Variants in TGFBI observed in about 807,000 individuals in gnomAD.
The protein encoded by TGFBI is transforming growth factor beta induced.
Under a neutral mutation model 73.7 loss-of-function variants are expected in TGFBI, and 50 were observed. That is an observed-to-expected ratio of 0.68 (90% CI 0.54 to 0.86). The LOEUF (loss-of-function observed/expected upper bound fraction) is 0.86. TGFBI is among the 40% of genes least tolerant of loss of function. The pLI, the probability that TGFBI is intolerant of heterozygous loss-of-function variation, is 0.00. For missense variants in TGFBI, 839 were observed against 877.0 expected, an observed-to-expected ratio of 0.96 and a Z score of 0.55; for synonymous variants, 362 against 360.5, an observed-to-expected ratio of 1.00 and a Z score of -0.05.
Position 136,046,854 on chromosome 5 carries a change from G to A in TGFBI, c.463G>A (p.Val155Met). ...NEAWASLPAE[V>M]LDSLVSNVNI... is the part of the protein sequence containing the mutation. ...GACACCCTGTCCTTCCTCCTAGGAA[G>A]TGCTGGACTCCCTGGTCAGCAATGT... The change falls in exon 5 of 17, where the codon GTG becomes ATG. Residue 155 changes from valine (V) to methionine (M), a missense_variant. By Grantham distance (21) the Val-to-Met change is conservative. Coordinates refer to ENST00000442011, the MANE Select transcript of TGFBI (RefSeq NM_000358.3). 6.2e-7 allele frequency: 1 copy of A among 1,613,122 alleles called. No individual in the cohort carries two copies. The highest frequency in any genetic ancestry group is 8.5e-7 in the Non-Finnish European group (1 of 1,179,388).
rs999699577 is a variant in TGFBI, at chr5:136,044,229, C to G, written c.298+107C>G. 46 of 946,820 alleles carry G rather than the reference C, an allele frequency of 4.9e-5. No homozygotes were observed. In the Middle Eastern group the frequency reaches 1.8e-3, roughly 37 times the overall value. 58.7% of individuals were successfully genotyped at this position (946,820 alleles called of 1,614,324 possible). A position where few individuals can be genotyped will look rare whatever the true frequency, so the allele number is the denominator to read the frequency against. Reference sequence around the variant, plus strand: ...CAGAGTGTGAATGGGGGCAGTGGCACAAGGACATGGCATTCTCCCCACGTG... The same window carrying G: ...CAGAGTGTGAATGGGGGCAGTGGCAGAAGGACATGGCATTCTCCCCACGTG... On this transcript the variant is annotated intron_variant, in intron 3 of 16. Transcript: ENST00000442011.
chr5:136,061,212 G>C (rs998149461), intron 14 of TGFBI: 2 of 574,038 alleles, frequency 3.5e-6, no homozygotes, highest in African/African-American at 3.7e-5. Context: ...CGTGGATGCT[G>C]TCCGCGCGAT....
At chr5:136,059,412 G>A (rs773836746) in intron 13 of TGFBI, among the ~76,000 whole-genome samples, 198 bp downstream of exon 13, 4 of 152,210 alleles carry the variant, frequency 2.6e-5, no homozygotes, top group African/African-American at 9.6e-5. Context: ...TTAGACATGA[G>A]TAAGAACTTC....
At chr5:136,060,005 G>T (rs1268380914) in intron 13 of TGFBI, among the ~76,000 whole-genome samples, 1 of 152,222 alleles carries the variant, frequency 6.6e-6, no homozygotes, top group African/African-American at 2.4e-5. Flanking sequence ...CCTTGAGTTT[G>T]TCACATGGCC....
At position 136,063,168 on chromosome 5, in the gene TGFBI, C is replaced by T; in HGVS notation, c.2012-18C>T. 4.3e-6 allele frequency: 7 copies of T among 1,612,636 alleles called. No homozygotes were observed. Among genetic ancestry groups the T allele is most frequent in the Non-Finnish European group, 5.1e-6 (6 of 1,178,814 alleles). On this transcript the variant is annotated intron_variant, in intron 16 of 16. Transcript: ENST00000442011. ...GGAGATCTGCACCTATTTGACGTTA[C>T]CAACTTCTCTTTTTCAGCCCCTGTC...
chr5:136,032,521 G>T (rs529742797), intron 1 of TGFBI, among the ~76,000 whole-genome samples: 2 of 152,176 alleles, frequency 1.3e-5, no homozygotes, highest in African/African-American at 2.4e-5. Flanking sequence ...TAACAAATAC[G>T]CTGCACATCA....
chr5:136,036,678 T>G (rs1387340418), intron 2 of TGFBI, among the ~76,000 whole-genome samples: 1 of 152,096 alleles, frequency 6.6e-6, no homozygotes, highest in African/African-American at 2.4e-5. Flanking sequence ...CTGGAGTTGA[T>G]GTTATCCTGG....
At position 136,049,545 on chromosome 5, in the gene TGFBI, T is replaced by C; in HGVS notation, c.878T>C (p.Leu293Ser). 1.2e-6 allele frequency: 2 copies of C among 1,613,962 alleles called. No individual in the cohort carries two copies. Among genetic ancestry groups the C allele is most frequent in the Non-Finnish European group, 1.7e-6 (2 of 1,179,866 alleles). The change falls in exon 7 of 17, where the codon TTG becomes TCG. Residue 293 changes from leucine (L) to serine (S), a missense_variant. Transcript: ENST00000442011. The stretch of plus-strand genomic sequence containing the variant: ...TTCGAGAAGATCCCTAGTGAGACTT[T>C]GAACCGTATCCTGGGCGACCCAGAA... ...EAFEKIPSETLNRILGDPEAL... is the reference protein window; with the variant it reads ...EAFEKIPSETSNRILGDPEAL...
At chr5:136,060,770 A>G in intron 13 of TGFBI, 64 bp from the exon 14 acceptor site, 1 of 1,257,022 alleles carries the variant, frequency 8.0e-7, no homozygotes, top group Non-Finnish European at 1.1e-6. Flanking sequence ...TGAATGAATA[A>G]AATAAATATA....
chr5:136,056,887 C>T lies in TGFBI; in HGVS notation c.1678+92C>T, dbSNP rs546436799. ...AAACAGTTGGCACATCAAGGATTGA[C>T]TTGAAGGGATTTTATGACAAGACTA... On this transcript the variant is annotated intron_variant, in intron 12 of 16. Coordinates refer to ENST00000442011, the MANE Select transcript of TGFBI (RefSeq NM_000358.3). 681 of 1,438,170 alleles carry T rather than the reference C, an allele frequency of 4.7e-4. 8 individuals are homozygous for T. In the South Asian group the frequency reaches 8.6e-3, roughly 18 times the overall value. 89.1% of individuals were successfully genotyped at this position (1,438,170 alleles called of 1,614,324 possible). A position where few individuals can be genotyped will look rare whatever the true frequency, so the allele number is the denominator to read the frequency against.
chr5:136,062,653 T>A lies in TGFBI; in HGVS notation c.1987-10T>A. The A allele has an allele frequency of 6.4e-7, 1 of 1,562,668 alleles. No homozygotes were observed. The highest frequency in any genetic ancestry group is 8.7e-7 in the Non-Finnish European group (1 of 1,151,802). ...CACTAGAAAACCTGACACCTTGTGTTTTCTTTCAGGCTTCCCAGAGGTCTG... is the reference window on the plus strand; with the variant it reads ...CACTAGAAAACCTGACACCTTGTGTATTCTTTCAGGCTTCCCAGAGGTCTG... On this transcript the variant is annotated splice_polypyrimidine_tract_variant and intron_variant, in intron 15 of 16. Coordinates refer to ENST00000442011, the MANE Select transcript of TGFBI (RefSeq NM_000358.3).
In TGFBI at chr5:136,029,010, C is replaced by T. The variant is rs1181120344; in HGVS notation, c.-46C>T. On this transcript the variant is annotated 5_prime_UTR_variant, in exon 1 of 17. Transcript: ENST00000442011. ...GCTCTCACTTCCCTGGAGCCGCCCGCTTGCCCGTCGGTCGCTAGCTCGCTC... is the reference window on the plus strand; with the variant it reads ...GCTCTCACTTCCCTGGAGCCGCCCGTTTGCCCGTCGGTCGCTAGCTCGCTC... The T allele has an allele frequency of 6.6e-7, 1 of 1,508,366 alleles. No individual in the cohort carries two copies. Among genetic ancestry groups the T allele is most frequent in the East Asian group, 2.7e-5 (1 of 37,468 alleles). 93.4% of individuals were successfully genotyped at this position (1,508,366 alleles called of 1,614,324 possible). A position where few individuals can be genotyped will look rare whatever the true frequency, so the allele number is the denominator to read the frequency against.
intron 1 of TGFBI, among the ~76,000 whole-genome samples, chr5:136,031,610 G>A (rs1047030483): frequency 6.6e-6 from 1 of 152,202 alleles, no homozygotes; most frequent in Non-Finnish European, 1.5e-5. Flanking sequence ...TTGACTCCCA[G>A]CTATATCTGT....
At chr5:136,062,513 T>C (rs1376716006) in intron 15 of TGFBI, 150 bp from the exon 16 acceptor site, 1 of 780,780 alleles carries the variant, frequency 1.3e-6, no homozygotes. Flanking sequence ...CCTGAGGAAC[T>C]CCCTGGTGCC....
intron 6 of TGFBI, 165 bp from the exon 7 acceptor site, chr5:136,049,274 C>T (rs1751489568): frequency 2.2e-6 from 2 of 909,430 alleles, no homozygotes; most frequent in Non-Finnish European, 3.2e-6. Context: ...GCAAGGCCCC[C>T]TGGGGGCCAT....
intron 2 of TGFBI, among the ~76,000 whole-genome samples, chr5:136,035,440 G>A (rs1751200921): frequency 1.3e-5 from 2 of 152,020 alleles, no homozygotes; most frequent in African/African-American, 4.8e-5. Flanking sequence ...TGGCTAACAT[G>A]GTGAAACCCC....
intron 12 of TGFBI, chr5:136,058,815 GCCCAGCATCC>G: frequency 3.2e-6 from 1 of 316,648 alleles, no homozygotes; most frequent in Non-Finnish European, 5.8e-6. Context: ...CAGCCAGGGA[GCCCAGCATCC>G]CAGACAGCAT....
chr5:136,056,716 G>A lies in TGFBI; in HGVS notation c.1599G>A (p.Arg533=). The A allele has an allele frequency of 4.3e-6, 7 of 1,613,804 alleles. No homozygotes were observed. Among genetic ancestry groups the A allele is most frequent in the Non-Finnish European group, 5.9e-6 (7 of 1,179,860 alleles). Residue 533 remains arginine (R), a synonymous_variant, in exon 12 of 17, where the codon CGG becomes CGA. Coordinates refer to ENST00000442011, the MANE Select transcript of TGFBI (RefSeq NM_000358.3). ...CAGGACTGACGGAGACCCTCAACCG[G>A]GAAGGAGTCTACACAGTCTTTGCTC... ...QSAGLTETLN[R]EGVYTVFAPT...
intron 1 of TGFBI, among the ~76,000 whole-genome samples, chr5:136,031,998 C>A (rs1751129608): frequency 6.6e-6 from 1 of 152,198 alleles, no homozygotes; most frequent in African/African-American, 2.4e-5. Flanking sequence ...GCAGGGAATT[C>A]ATTGACAGTA....
Sources: allele counts gnomAD v4.1 joint callset (sites outside exome capture counted in the v4.1 genomes callset), GRCh38; gene constraint gnomAD v4.1.1; transcripts MANE v1.5; gene names NCBI Gene and HGNC (gene_info 2026-07-23, HGNC 2026-07-21).